Variants in BTBD2 observed in about 807,000 individuals in gnomAD.
BTBD2 encodes BTB/POZ domain-containing protein 2.
Under a neutral mutation model 44.0 loss-of-function variants are expected in BTBD2, and 15 were observed. The observed-to-expected ratio is 0.34, with a 90% CI of 0.23 to 0.53. The LOEUF (loss-of-function observed/expected upper bound fraction) is 0.53. Ranked by LOEUF, BTBD2 falls within the 20% of genes least tolerant of loss-of-function variation. BTBD2 has a pLI of 0.95. For missense variants in BTBD2, 657 were observed against 746.4 expected, an observed-to-expected ratio of 0.88 and a Z score of 1.39; for synonymous variants, 443 against 335.9, an observed-to-expected ratio of 1.32 and a Z score of -3.49.
intron 1 of BTBD2, among the ~76,000 whole-genome samples, chr19:1,999,023 T>C (rs1027129947): frequency 6.6e-5 from 10 of 151,968 alleles, no homozygotes; most frequent in African/African-American, 2.4e-4. Flanking sequence ...GGGACCTGCT[T>C]CTCACTCCTG....
At chr19:2,007,693 G>A (rs1328851600) in intron 1 of BTBD2, among the ~76,000 whole-genome samples, 1 of 152,150 alleles carries the variant, frequency 6.6e-6, no homozygotes, top group African/African-American at 2.4e-5. Context: ...GGGTGTGGTG[G>A]TGCACACCTG....
At chr19:1,987,427 G>GC in intron 6 of BTBD2, 73 bp downstream of exon 6, 4 of 1,313,546 alleles carry the variant, frequency 3.0e-6, no homozygotes, top group South Asian at 1.5e-5. Flanking sequence ...CCCATGCCCG[G>GC]CCCCCCATCT....
Position 1,990,462 on chromosome 19 carries a change from G to A in BTBD2, c.790+255C>T, listed in dbSNP as rs531729662. The A allele has an allele frequency of 6.2e-4, 380 of 610,556 alleles. 3 individuals carry two copies. In the African/African-American group the frequency reaches 6.3e-3, roughly 10 times the overall value. 37.8% of individuals were successfully genotyped at this position (610,556 alleles called of 1,614,324 possible). A position where few individuals can be genotyped will look rare whatever the true frequency, so the allele number is the denominator to read the frequency against. ...TTGACAAAAGCTGTTCAACAGCAAA[G>A]TCAAAGCCATGGACCATCGGAGGAC... On this transcript the variant is annotated intron_variant, in intron 4 of 8. Transcript: ENST00000255608.
At position 1,995,275 on chromosome 19, in the gene BTBD2, G is replaced by GA. The variant is rs1375820040; in HGVS notation, c.527+2068dup. On this transcript the variant is annotated intron_variant, in intron 2 of 8. Coordinates refer to ENST00000255608, the MANE Select transcript of BTBD2 (RefSeq NM_017797.4). The stretch of plus-strand genomic sequence containing the variant: ...AGCCACCGCGCCTAGCCATACTTTG[G>GA]ATTCTTTTTTTTTTTTTTTTTTTTG... Among the ~76,000 whole-genome samples the GA allele has an allele frequency of 2.6e-3, 251 of 97,792 alleles. 1 individual carries two copies. Among genetic ancestry groups the GA allele is most frequent in the African/African-American group, 0.012 (235 of 19,476 alleles). 64.2% of individuals were successfully genotyped at this position (97,792 alleles called of 152,430 possible).
chr19:1,995,782 G>A (rs1018936339), intron 2 of BTBD2, among the ~76,000 whole-genome samples: 9 of 151,454 alleles, frequency 5.9e-5, no homozygotes, highest in East Asian at 1.9e-4. Flanking sequence ...GACTACGGGC[G>A]TCCGCCACCA....
At chr19:2,011,374 A>G (rs2016462364) in intron 1 of BTBD2, among the ~76,000 whole-genome samples, 1 of 151,298 alleles carries the variant, frequency 6.6e-6, no homozygotes, top group Non-Finnish European at 1.5e-5. Context: ...TCCTGGGCCC[A>G]TCCACGGCGC....
intron 1 of BTBD2, among the ~76,000 whole-genome samples, chr19:2,000,267 C>T (rs1174205314): frequency 6.7e-5 from 10 of 149,620 alleles, no homozygotes; most frequent in Admixed American, 6.6e-4. Flanking sequence ...GGGCCCAGGC[C>T]TCAGGGCCCT....
intron 2 of BTBD2, among the ~76,000 whole-genome samples, chr19:1,993,416 C>T (rs2016208340): frequency 6.6e-6 from 1 of 151,592 alleles, no homozygotes; most frequent in Non-Finnish European, 1.5e-5. Flanking sequence ...AGGCTGAACC[C>T]ATCTACACAG....
intron 1 of BTBD2, chr19:2,013,614 G>A: frequency 1.0e-6 from 1 of 989,074 alleles, no homozygotes; most frequent in Non-Finnish European, 1.2e-6. Flanking sequence ...ACTGAAGTGG[G>A]AGGTGGCAGG....
At chr19:2,005,794 A>G (rs1454575246) in intron 1 of BTBD2, among the ~76,000 whole-genome samples, 4 of 151,844 alleles carry the variant, frequency 2.6e-5, no homozygotes, top group African/African-American at 9.7e-5. Flanking sequence ...AAAAAAAAAA[A>G]AAAATTATTT....
At chr19:2,005,538 T>C (rs2016384092) in intron 1 of BTBD2, among the ~76,000 whole-genome samples, 1 of 152,028 alleles carries the variant, frequency 6.6e-6, no homozygotes, top group Non-Finnish European at 1.5e-5. Context: ...TCCCAGCACT[T>C]TGGGAGGCCG....
intron 1 of BTBD2, among the ~76,000 whole-genome samples, chr19:2,007,463 T>A (rs2016408790): frequency 6.6e-6 from 1 of 152,172 alleles, no homozygotes; most frequent in Admixed American, 6.6e-5. Flanking sequence ...GTCTTTTATC[T>A]GTTTTGGTTT....
intron 5 of BTBD2, 91 bp downstream of exon 5, chr19:1,989,913 A>G: frequency 2.1e-6 from 3 of 1,443,650 alleles, no homozygotes; most frequent in Non-Finnish European, 2.9e-6. Context: ...GGCTTTCCGC[A>G]GTGAACTCGG....
chr19:1,999,530 G>A (rs1043043812), intron 1 of BTBD2, among the ~76,000 whole-genome samples: 6 of 152,130 alleles, frequency 3.9e-5, no homozygotes, highest in African/African-American at 9.7e-5. Flanking sequence ...GCCAGGCATC[G>A]TGGTGAGCAA....
intron 1 of BTBD2, among the ~76,000 whole-genome samples, chr19:2,006,969 T>C (rs2016403112): frequency 6.6e-6 from 1 of 152,214 alleles, no homozygotes; most frequent in Admixed American, 6.5e-5. Context: ...GCAATTCTCC[T>C]GCCTCAGCCT....
chr19:1,989,227 C>CA (rs1194276456), intron 5 of BTBD2, among the ~76,000 whole-genome samples: 2 of 152,040 alleles, frequency 1.3e-5, no homozygotes, highest in African/African-American at 4.8e-5. Flanking sequence ...CCTGTCCCCA[C>CA]AAAAAAATAC....
Position 1,990,191 on chromosome 19 carries a change from C to T in BTBD2, c.801G>A (p.Val267=), listed in dbSNP as rs748353088. The change falls in exon 5 of 9, where the codon GTG becomes GTA. Residue 267 remains valine, a synonymous_variant. Coordinates refer to ENST00000255608, the MANE Select transcript of BTBD2 (RefSeq NM_017797.4). ...GFTDIDLDTL[V]AVLERDTLGI... ...CCAGTGTGTCGCGCTCCAGGACAGC[C>T]ACCAGCGTGTCTGTGGGGTGGAGGA... is the stretch of plus-strand genomic sequence containing the variant. The T allele has an allele frequency of 1.3e-6, 2 of 1,599,376 alleles. No individual in the cohort carries two copies. The highest frequency in any genetic ancestry group is 2.2e-5 in the South Asian group (2 of 89,222).
chr19:2,011,594 T>C (rs972908764), intron 1 of BTBD2, among the ~76,000 whole-genome samples: 2 of 152,014 alleles, frequency 1.3e-5, no homozygotes, highest in African/African-American at 4.8e-5. Context: ...TTTTCAACCC[T>C]CCTGAAATGC....
chr19:1,987,713 G>C lies in BTBD2; in HGVS notation c.989-21C>G, dbSNP rs375769877. On this transcript the variant is annotated intron_variant, in intron 5 of 8. Transcript: ENST00000255608. ...GGGACCTGCAGCACAGGGAGGGTGT[G>C]GGGGAGGGCCGGGCTGCACCCCAGG... is the stretch of plus-strand genomic sequence containing the variant. The C allele has an allele frequency of 7.9e-4, 1,233 of 1,569,334 alleles. 12 individuals carry two copies. The highest frequency in any genetic ancestry group is 1.0e-3 in the East Asian group (45 of 44,224).
Sources: allele counts gnomAD v4.1 joint callset (sites outside exome capture counted in the v4.1 genomes callset), GRCh38; gene constraint gnomAD v4.1.1; transcripts MANE v1.5; gene names NCBI Gene and HGNC (gene_info 2026-07-23, HGNC 2026-07-21).